Variants in PVALB observed in about 807,000 individuals in gnomAD.
PVALB encodes the protein parvalbumin.
A neutral mutation model predicts 10.9 loss-of-function variants in PVALB; 11 were observed. The ratio of observed to expected loss-of-function variants is 1.01; its 90% CI spans 0.63 to 1.67. The LOEUF (loss-of-function observed/expected upper bound fraction) is 1.67, where lower values mean the gene tolerates loss of function less well. Ranked by LOEUF, PVALB falls within the 40% of genes most tolerant of loss-of-function variation. The probability of loss-of-function intolerance (pLI) is 0.00; values close to 1 mark genes in which losing one functional copy is unlikely to be tolerated. For synonymous variants in PVALB, 57 were observed against 50.7 expected (o/e 1.12, Z -0.53); for missense variants, 131 against 136.2 (o/e 0.96, Z 0.19).
At chr22:36,810,087 G>A (rs1939022771) in intron 3 of PVALB, among the ~76,000 whole-genome samples, 1 of 152,106 alleles carries the variant, frequency 6.6e-6, no homozygotes, top group Non-Finnish European at 1.5e-5. Flanking sequence ...GTTTCACCAT[G>A]TTGGCCAGGC....
chr22:36,804,109 G>A (rs1472966904), intron 3 of PVALB, among the ~76,000 whole-genome samples: 1 of 152,214 alleles, frequency 6.6e-6, no homozygotes, highest in Admixed American at 6.5e-5. Context: ...TGGAGAGATT[G>A]TCAAGAGGGG....
chr22:36,816,921 G>A (rs1192053187), intron 1 of PVALB, 24 bp downstream of exon 1: 1 of 1,588,462 alleles, frequency 6.3e-7, no homozygotes, highest in Non-Finnish European at 8.6e-7. Flanking sequence ...GGAGAGGGAT[G>A]GGGAGGGGAG....
At chr22:36,810,082 A>C (rs1349950319) in intron 3 of PVALB, among the ~76,000 whole-genome samples, 1 of 151,990 alleles carries the variant, frequency 6.6e-6, no homozygotes, top group East Asian at 1.9e-4. Flanking sequence ...GTGGGGTTTC[A>C]CCATGTTGGC....
Position 36,800,845 on chromosome 22 carries a change from G to C in PVALB, c.*45C>G. 1.3e-6 allele frequency: 2 copies of C among 1,566,710 alleles called. No homozygotes were observed. The highest frequency in any genetic ancestry group is 1.8e-6 in the Non-Finnish European group (2 of 1,136,838). ...GGGTGGCGAGAGGGGCCGAGATTGG[G>C]TGTTCAGGGCAGAGAGGTGGAAGAC... On this transcript the variant is annotated 3_prime_UTR_variant, in exon 4 of 4. Transcript: ENST00000417718.
intron 3 of PVALB, among the ~76,000 whole-genome samples, chr22:36,812,046 C>G (rs1939054534): frequency 6.6e-6 from 1 of 152,190 alleles, no homozygotes; most frequent in Non-Finnish European, 1.5e-5. Flanking sequence ...AAAAAACCCT[C>G]TAACTCATAG....
At chr22:36,815,389 C>A in intron 1 of PVALB, 154 bp from the exon 2 acceptor site, 1 of 1,040,022 alleles carries the variant, frequency 9.6e-7, no homozygotes, top group Admixed American at 2.3e-5. Flanking sequence ...TGAGGGAGCC[C>A]GGGCAAGGGA....
At position 36,815,240 on chromosome 22, in the gene PVALB, G is replaced by T. The variant is rs550856498; in HGVS notation, c.62-5C>A. 1.4e-5 allele frequency: 23 copies of T among 1,613,868 alleles called. No individual in the cohort carries two copies. The East Asian group carries it at 1.6e-4, about 11-fold the overall frequency. On this transcript the variant is annotated splice_region_variant and splice_polypyrimidine_tract_variant and intron_variant, in intron 1 of 3. Transcript: ENST00000417718. ...TGTGGTCGAAGGAGTCGGTAGCTGTGGGGGGAAGAGCAGGGTCAAACAAGG... is the reference window on the plus strand; with the variant it reads ...TGTGGTCGAAGGAGTCGGTAGCTGTTGGGGGAAGAGCAGGGTCAAACAAGG...
intron 3 of PVALB, among the ~76,000 whole-genome samples, chr22:36,805,932 A>G (rs2145946939): frequency 6.6e-6 from 1 of 152,322 alleles, no homozygotes; most frequent in African/African-American, 2.4e-5. Context: ...CGACCCATCT[A>G]TCCCATCAGA....
intron 3 of PVALB, among the ~76,000 whole-genome samples, chr22:36,812,585 A>G (rs1433063555): frequency 6.6e-6 from 1 of 152,362 alleles, no homozygotes. Flanking sequence ...CAGTTCAGAG[A>G]TGAGAAAACA....
intron 3 of PVALB, among the ~76,000 whole-genome samples, chr22:36,810,408 C>T (rs969388150): frequency 2.0e-5 from 3 of 152,326 alleles, no homozygotes; most frequent in South Asian, 4.1e-4. Context: ...TGCACCCACC[C>T]TTCCTGCGTT....
intron 1 of PVALB, 115 bp from the exon 2 acceptor site, chr22:36,815,350 A>G (rs906276727): frequency 3.6e-6 from 5 of 1,402,404 alleles, no homozygotes; most frequent in Non-Finnish European, 4.0e-6. Context: ...GTCATGGGGA[A>G]TGAGAGGTAC....
chr22:36,806,492 G>A (rs1286993634), intron 3 of PVALB, among the ~76,000 whole-genome samples: 1 of 152,048 alleles, frequency 6.6e-6, no homozygotes, highest in Non-Finnish European at 1.5e-5. Flanking sequence ...ATGGCCCAAA[G>A]CGAAACTGAG....
At chr22:36,807,926 G>A (rs1015219764) in intron 3 of PVALB, among the ~76,000 whole-genome samples, 2 of 152,318 alleles carry the variant, frequency 1.3e-5, no homozygotes, top group Admixed American at 6.5e-5. Flanking sequence ...GGGTGGGGGG[G>A]TTGCAAGGTT....
At chr22:36,819,219 G>C (rs966217806), upstream of PVALB, among the ~76,000 whole-genome samples, 16 of 152,108 alleles carry the variant, frequency 1.1e-4, no homozygotes, top group Non-Finnish European at 2.1e-4. Flanking sequence ...GGCGGTGGGT[G>C]GGGGGAGTTT....
intron 3 of PVALB, among the ~76,000 whole-genome samples, chr22:36,807,918 G>T (rs1325072974): frequency 1.3e-5 from 2 of 152,228 alleles, no homozygotes; most frequent in African/African-American, 2.4e-5. Flanking sequence ...GTGGCAAGGG[G>T]TGGGGGGGTT....
upstream of PVALB, chr22:36,817,530 C>T (rs1032408756): frequency 6.6e-6 from 1 of 152,646 alleles, no homozygotes; most frequent in Non-Finnish European, 1.5e-5. Flanking sequence ...CTGGTCTGTC[C>T]TGGATGCAAA....
chr22:36,807,476 C>G (rs1938970186), intron 3 of PVALB, among the ~76,000 whole-genome samples: 1 of 152,218 alleles, frequency 6.6e-6, no homozygotes, highest in Non-Finnish European at 1.5e-5. Flanking sequence ...AATTCTCCTT[C>G]TATCTCTCTC....
intron 3 of PVALB, 106 bp downstream of exon 3, chr22:36,813,540 G>A (rs1939079469): frequency 2.3e-6 from 2 of 877,988 alleles, no homozygotes. Flanking sequence ...GGGGAGTGAG[G>A]GACCCCCATA....
In PVALB at chr22:36,805,941, G is replaced by A. The variant is rs374475013; in HGVS notation, c.305-5023C>T. On this transcript the variant is annotated intron_variant, in intron 3 of 3. Transcript: ENST00000417718. ...AGTTTCCGACCCATCTATCCCATCA[G>A]AGCTAGCATCCCACCTCCGGCACAT... is the stretch of plus-strand genomic sequence containing the variant. Among the ~76,000 whole-genome samples the A allele has an allele frequency of 3.3e-5, 5 of 152,308 alleles. No individual in the cohort carries two copies. The South Asian group carries it at 1.0e-3, about 32-fold the overall frequency.
Sources: gnomAD v4.1 joint callset for allele counts (sites outside exome capture counted in the v4.1 genomes callset) on GRCh38, gnomAD v4.1.1 for gene constraint, MANE v1.5 for transcripts, NCBI Gene and HGNC (gene_info 2026-07-23, HGNC 2026-07-21) for gene names.